The following ADAM12 variants were observed in gnomAD, a reference collection of about 807,000 sequenced individuals.
ADAM12 encodes the protein disintegrin and metalloproteinase domain-containing protein 12.
ADAM12 carries 70 observed loss-of-function variants against 106.4 expected under a neutral mutation model. The ratio of observed to expected loss-of-function variants is 0.66; its 90% confidence interval spans 0.54 to 0.80. The LOEUF is 0.80. Among genes scored for constraint, ADAM12 ranks in the 30% least tolerant of loss-of-function variants. The pLI, the probability that ADAM12 is intolerant of heterozygous loss-of-function variation, is 0.00. For synonymous variants in ADAM12, 420 were observed against 433.5 expected (o/e 0.97, Z 0.39); for missense variants, 1,010 against 1,171.9 (o/e 0.86, Z 2.02).
At chr10:126,203,509 T>C (rs1033527404) in intron 3 of ADAM12, among the ~76,000 whole-genome samples, 5 of 152,164 alleles carry the variant, frequency 3.3e-5, no homozygotes, top group East Asian at 1.9e-4. Flanking sequence ...TGAATAAATA[T>C]AGAAGCATAA....
rs1282966634 is a variant in ADAM12 at position 126,250,967 on chromosome 10, T to G, written c.260+27948A>C. Among the ~76,000 whole-genome samples the G allele has an allele frequency of 1.3e-5, 2 of 152,268 alleles. 1 individual carries two copies. The highest frequency in any genetic ancestry group is 4.8e-5 in the African/African-American group (2 of 41,470). On this transcript the variant is annotated intron_variant, in intron 3 of 22. Transcript: ENST00000448723. The stretch of plus-strand genomic sequence containing the variant: ...GCAACGGCTGATTTTTCAGCTCTTA[T>G]GATGTACTAGGCATGGTGCTAAGAA...
intron 20 of ADAM12, 135 bp downstream of exon 20, chr10:126,038,106 G>C: frequency 4.7e-6 from 4 of 859,640 alleles, no homozygotes; most frequent in Non-Finnish European, 7.4e-6. Context: ...CCCTCCCTCA[G>C]AGCCTGCTGA....
At chr10:126,023,908 G>GGA (rs550854516) in intron 21 of ADAM12, among the ~76,000 whole-genome samples, 2 of 140,736 alleles carry the variant, frequency 1.4e-5, no homozygotes, top group African/African-American at 5.2e-5. Flanking sequence ...TGAACTCATG[G>GGA]AAAAAAAAAA....
At chr10:126,147,020 C>G (rs1361733773) in intron 4 of ADAM12, among the ~76,000 whole-genome samples, 1 of 152,200 alleles carries the variant, frequency 6.6e-6, no homozygotes, top group Non-Finnish European at 1.5e-5. Context: ...GATACTATCC[C>G]TTTCTGACAA....
At chr10:126,177,041 T>C (rs533578716) in intron 3 of ADAM12, among the ~76,000 whole-genome samples, 1 of 112,462 alleles carries the variant, frequency 8.9e-6, no homozygotes, top group African/African-American at 3.5e-5. Flanking sequence ...TGTGCACATG[T>C]GCACACACAC....
At position 126,245,000 on chromosome 10, in the gene ADAM12, T is replaced by C. The variant is rs182507667; in HGVS notation, c.260+33915A>G. On this transcript the variant is annotated intron_variant, in intron 3 of 22. Coordinates refer to ENST00000448723, the MANE Select transcript of ADAM12 (RefSeq NM_001288973.2). ...GTTTGAAGATGGGGAGTAGGGTACA[T>C]GATCAGGGGAGGGGCTTGCACCAAG... 5.9e-5 allele frequency among the ~76,000 whole-genome samples: 9 copies of C among 152,214 alleles called. No individual in the cohort carries two copies. The East Asian group carries it at 1.7e-3, about 29-fold the overall frequency.
chr10:126,351,781 C>T (rs1205984865), intron 1 of ADAM12, among the ~76,000 whole-genome samples: 1 of 152,146 alleles, frequency 6.6e-6, no homozygotes, highest in African/African-American at 2.4e-5. Flanking sequence ...CCCTGCACCC[C>T]CACCCCCAGT....
intron 3 of ADAM12, among the ~76,000 whole-genome samples, chr10:126,224,013 C>T (rs989358377): frequency 3.3e-5 from 5 of 152,174 alleles, no homozygotes; most frequent in African/African-American, 9.7e-5. Flanking sequence ...GATTTGAACC[C>T]GGCACTGTCC....
In ADAM12 at chr10:126,014,433, C is replaced by G. The variant is rs1437636523; in HGVS notation, c.*2846G>C. 1 of 150,392 alleles carries G rather than the reference C, an allele frequency of 6.6e-6. No individual in the cohort carries two copies. Among genetic ancestry groups the G allele is most frequent in the African/African-American group, 2.5e-5 (1 of 40,710 alleles). 9.3% of individuals were successfully genotyped at this position (150,392 alleles called of 1,614,324 possible). ...TTAAGAAGGCATAAAAATGCCCCCCCCCCGAGACTCGTCAGGAGTATTGAC... is the reference window on the plus strand; with the variant it reads ...TTAAGAAGGCATAAAAATGCCCCCCGCCCGAGACTCGTCAGGAGTATTGAC... On this transcript the variant is annotated 3_prime_UTR_variant, in exon 23 of 23. Transcript: ENST00000448723.
intron 3 of ADAM12, among the ~76,000 whole-genome samples, chr10:126,210,999 G>C (rs904459811): frequency 2.6e-5 from 4 of 152,230 alleles, no homozygotes; most frequent in South Asian, 2.1e-4. Context: ...TGGTGGAGTT[G>C]ACTCCACCAA....
At chr10:126,311,481 C>G (rs1358409352) in intron 2 of ADAM12, among the ~76,000 whole-genome samples, 2 of 152,024 alleles carry the variant, frequency 1.3e-5, no homozygotes, top group Non-Finnish European at 2.9e-5. Context: ...CCTGTAATTT[C>G]TCGGGTGACA....
chr10:126,132,114 A>C (rs1174857574), intron 5 of ADAM12, among the ~76,000 whole-genome samples: 2 of 152,026 alleles, frequency 1.3e-5, no homozygotes, highest in East Asian at 3.9e-4. Flanking sequence ...AGCTGGGACT[A>C]CAGGAGCATG....
rs1160552726 is a variant in ADAM12, at chr10:126,014,536, G to A, written c.*2743C>T. 2 of 151,584 alleles carry A rather than the reference G, an allele frequency of 1.3e-5. No individual in the cohort carries two copies. The highest frequency in any genetic ancestry group is 2.9e-5 in the Non-Finnish European group (2 of 67,980). The allele number at this position is 151,584 out of a possible 1,614,324, so 9.4% of individuals were successfully genotyped here. A position where few individuals can be genotyped will look rare whatever the true frequency, so the allele number is the denominator to read the frequency against. On this transcript the variant is annotated 3_prime_UTR_variant, in exon 23 of 23. Coordinates refer to ENST00000448723, the MANE Select transcript of ADAM12 (RefSeq NM_001288973.2). ...TGTGTAAGCTGGAAAAATCCACGCT[G>A]TGAAATGTAACCTCCTGTGTGTATT... is the stretch of plus-strand genomic sequence containing the variant.
intron 3 of ADAM12, among the ~76,000 whole-genome samples, chr10:126,177,769 A>G (rs1182838152): frequency 6.6e-6 from 1 of 152,214 alleles, no homozygotes; most frequent in Non-Finnish European, 1.5e-5. Context: ...TACAATCAAG[A>G]GTTGCCCCTG....
At chr10:126,252,021 G>A (rs1386049658) in intron 3 of ADAM12, among the ~76,000 whole-genome samples, 1 of 150,964 alleles carries the variant, frequency 6.6e-6, no homozygotes, top group Non-Finnish European at 1.5e-5. Context: ...TGGATGGATG[G>A]ATTGGGTGGG....
At chr10:126,189,764 C>T (rs764414688) in intron 3 of ADAM12, among the ~76,000 whole-genome samples, 16 of 152,034 alleles carry the variant, frequency 1.1e-4, no homozygotes, top group South Asian at 1.0e-3. Context: ...AGCTGTCCCT[C>T]GCCTCAGTGG....
At chr10:126,312,957 T>C (rs565825094) in intron 2 of ADAM12, among the ~76,000 whole-genome samples, 5 of 152,348 alleles carry the variant, frequency 3.3e-5, no homozygotes, top group African/African-American at 1.2e-4. Context: ...AATACATTAT[T>C]ACTTACTTGC....
chr10:126,151,938 T>TA (rs1487148263), intron 4 of ADAM12, among the ~76,000 whole-genome samples: 1 of 151,738 alleles, frequency 6.6e-6, no homozygotes, highest in African/African-American at 2.4e-5. Flanking sequence ...CTTAATTTTA[T>TA]AAATGTCTTG....
chr10:126,095,967 G>C (rs924226296), intron 10 of ADAM12, among the ~76,000 whole-genome samples: 6 of 152,206 alleles, frequency 3.9e-5, no homozygotes, highest in Non-Finnish European at 7.3e-5. Flanking sequence ...GCTCATGTAA[G>C]ATCTTACAGG....
Sources: allele counts gnomAD v4.1 joint callset (sites outside exome capture counted in the v4.1 genomes callset), GRCh38; gene constraint gnomAD v4.1.1; transcripts MANE v1.5; gene names NCBI Gene and HGNC (gene_info 2026-07-23, HGNC 2026-07-21).